Variants in CHFR observed in about 807,000 individuals in gnomAD.
CHFR encodes the protein E3 ubiquitin-protein ligase CHFR.
A neutral mutation model predicts 87.6 loss-of-function variants in CHFR; 57 were observed. The ratio of observed to expected loss-of-function variants is 0.65; its 90% CI spans 0.53 to 0.81. The LOEUF is 0.81. Ranked by LOEUF, CHFR falls within the 30% of genes least tolerant of loss-of-function variation. The pLI is 0.00. For synonymous variants in CHFR, 381 were observed against 359.2 expected (o/e 1.06, Z -0.69); for missense variants, 797 against 865.8 (o/e 0.92, Z 1.00).
chr12:132,857,071 A>G (rs944570378), intron 9 of CHFR, among the ~76,000 whole-genome samples: 72 of 43,902 alleles, frequency 1.6e-3, no homozygotes, highest in South Asian at 2.8e-3. Context: ...TGGAGGGACC[A>G]CCCTCACGTG....
intron 10 of CHFR, chr12:132,853,978 C>T (rs1444992854): frequency 4.6e-5 from 8 of 172,706 alleles, no homozygotes; most frequent in South Asian, 1.8e-4. Flanking sequence ...CCACACCAGG[C>T]GCCTGCAAAG....
intron 14 of CHFR, chr12:132,847,699 A>G: frequency 1.8e-6 from 2 of 1,115,610 alleles, no homozygotes; most frequent in Non-Finnish European, 2.2e-6. Flanking sequence ...AGCTTCCTAG[A>G]CGTGGGAAGG....
At chr12:132,855,241 C>T (rs757161863) in intron 10 of CHFR, among the ~76,000 whole-genome samples, 12 of 76,674 alleles carry the variant, frequency 1.6e-4, no homozygotes, top group Non-Finnish European at 3.9e-4. Flanking sequence ...GACTTTGTCT[C>T]GAAAAAAAAA....
intron 6 of CHFR, chr12:132,866,403 C>T (rs538056072): frequency 1.3e-5 from 2 of 151,444 alleles, no homozygotes; most frequent in Admixed American, 6.6e-5. Flanking sequence ...TACAACAGAC[C>T]GGAACACCAC....
chr12:132,867,914 A>AG (rs1951382914), intron 6 of CHFR: 1 of 152,110 alleles, frequency 6.6e-6, no homozygotes, highest in African/African-American at 2.4e-5. Flanking sequence ...AAACTGGAAA[A>AG]GCTAATTCAA....
In CHFR at chr12:132,834,972, C is replaced by T. The variant is rs1007313078; in HGVS notation, c.*6582G>A. Reference sequence around the variant, plus strand: ...GACCTCGTGATCCGCCCGCCTCAGCCTCCCAAAGTGCTGGGAGTACAGGCG... The same window carrying T: ...GACCTCGTGATCCGCCCGCCTCAGCTTCCCAAAGTGCTGGGAGTACAGGCG... On this transcript the variant is annotated 3_prime_UTR_variant, in exon 18 of 18. Transcript: ENST00000450056. 1 of 152,278 alleles carries T rather than the reference C, an allele frequency of 6.6e-6. No individual in the cohort carries two copies. Among genetic ancestry groups the T allele is most frequent in the African/African-American group, 2.4e-5 (1 of 41,446 alleles). The allele number at this position is 152,278 out of a possible 1,614,324, so 9.4% of individuals were successfully genotyped here. A position where few individuals can be genotyped will look rare whatever the true frequency, so the allele number is the denominator to read the frequency against.
intron 17 of CHFR, 130 bp downstream of exon 17, chr12:132,842,881 A>C (rs755760659): frequency 5.1e-5 from 38 of 742,634 alleles, no homozygotes; most frequent in Non-Finnish European, 8.8e-5. Flanking sequence ...CAGGATTTCT[A>C]AATGAAGATA....
intron 12 of CHFR, chr12:132,849,007 A>C: frequency 2.7e-6 from 1 of 374,832 alleles, no homozygotes; most frequent in Non-Finnish European, 4.9e-6. Context: ...AGTACAGGGG[A>C]ACAATCACAG....
At chr12:132,851,060 A>G (rs1950933087) in intron 12 of CHFR, among the ~76,000 whole-genome samples, 1 of 150,742 alleles carries the variant, frequency 6.6e-6, no homozygotes, top group Non-Finnish European at 1.5e-5. Flanking sequence ...GCACGATCTC[A>G]GCTCACTGCA....
chr12:132,879,227 C>G (rs1235312978), intron 2 of CHFR, among the ~76,000 whole-genome samples: 1 of 151,838 alleles, frequency 6.6e-6, no homozygotes, highest in Non-Finnish European at 1.5e-5. Flanking sequence ...GAACTCCTGA[C>G]CTCTTGATCC....
intron 8 of CHFR, among the ~76,000 whole-genome samples, chr12:132,858,755 G>A (rs1023780594): frequency 4.1e-4 from 41 of 99,496 alleles, no homozygotes; most frequent in South Asian, 1.7e-3. Flanking sequence ...AAAAAAAAAA[G>A]GAATAAAAAA....
intron 3 of CHFR, among the ~76,000 whole-genome samples, chr12:132,873,481 T>C (rs1483072351): frequency 2.0e-5 from 3 of 152,238 alleles, no homozygotes; most frequent in Admixed American, 1.3e-4. Context: ...TTTTTTTCAA[T>C]GAGAGGGAAT....
rs1038008124 is a variant in CHFR, at chr12:132,861,549, T to A, written c.669A>T (p.Pro223=). The A allele has an allele frequency of 6.2e-7, 1 of 1,614,092 alleles. No homozygotes were observed. Among genetic ancestry groups the A allele is most frequent in the South Asian group, 1.1e-5 (1 of 91,096 alleles). Residue 223 remains proline, a synonymous_variant, in exon 7 of 18, where the codon CCA becomes CCT. Coordinates refer to ENST00000450056, the MANE Select transcript of CHFR (RefSeq NM_001161346.2). Reference sequence around the variant, plus strand: ...ACGAAAAGGACGCAGTCTTTCTGTCTGGGAGAGCTGAGGCAAAGCTGGAGA... The same window carrying A: ...ACGAAAAGGACGCAGTCTTTCTGTCAGGGAGAGCTGAGGCAAAGCTGGAGA... ...DEVSSFASAL[P]DRKTASFSSL...
chr12:132,852,879 A>G (rs992327402), intron 11 of CHFR, among the ~76,000 whole-genome samples: 14 of 152,314 alleles, frequency 9.2e-5, no homozygotes, highest in African/African-American at 3.4e-4. Context: ...TTCCCATTCT[A>G]TGAGTCTGGA....
chr12:132,847,276 G>A, intron 14 of CHFR, 146 bp from the exon 15 acceptor site: 2 of 1,422,620 alleles, frequency 1.4e-6, no homozygotes, highest in South Asian at 1.4e-5. Context: ...GCAGAGGGCT[G>A]CACGTTCACG....
intron 3 of CHFR, among the ~76,000 whole-genome samples, chr12:132,875,750 A>T (rs1951616563): frequency 6.6e-6 from 1 of 152,244 alleles, no homozygotes; most frequent in South Asian, 2.1e-4. Flanking sequence ...AGTGTTATTT[A>T]TAGTAAGAAA....
intron 10 of CHFR, among the ~76,000 whole-genome samples, chr12:132,856,219 G>A (rs907968959): frequency 6.6e-5 from 10 of 152,212 alleles, no homozygotes; most frequent in Admixed American, 3.9e-4. Flanking sequence ...AGTCGCCTGC[G>A]GCTGACGCTC....
At position 132,874,857 on chromosome 12, in the gene CHFR, C is replaced by G. The variant is rs117485838; in HGVS notation, c.234-2463G>C. Among the ~76,000 whole-genome samples the G allele has an allele frequency of 4.8e-4, 72 of 150,504 alleles. 1 individual carries two copies. The East Asian group carries it at 0.014, about 29-fold the overall frequency. ...AGGACCAGCACCCAGTGCAGGGAAC[C>G]CAGGCCCTGGAACAGGCGGGACTGC... On this transcript the variant is annotated intron_variant, in intron 3 of 17. Coordinates refer to ENST00000450056, the MANE Select transcript of CHFR (RefSeq NM_001161346.2).
At chr12:132,860,142 T>C (rs569100596) in intron 7 of CHFR, among the ~76,000 whole-genome samples, 15 of 152,362 alleles carry the variant, frequency 9.8e-5, no homozygotes, top group Admixed American at 7.8e-4. Context: ...GGAGGAAAAC[T>C]ATTTTCATGT....
Sources: gnomAD v4.1 joint callset for allele counts (sites outside exome capture counted in the v4.1 genomes callset) on GRCh38, gnomAD v4.1.1 for gene constraint, MANE v1.5 for transcripts, NCBI Gene and HGNC (gene_info 2026-07-23, HGNC 2026-07-21) for gene names.